Variants in RPGRIP1L observed in about 807,000 individuals in gnomAD.
RPGRIP1L encodes the protein protein fantom.
RPGRIP1L carries 131 observed loss-of-function variants against 160.4 expected under a neutral mutation model. The ratio of observed to expected loss-of-function variants is 0.82; its 90% CI spans 0.71 to 0.94. The LOEUF (loss-of-function observed/expected upper bound fraction) is 0.94, where lower values mean the gene tolerates loss of function less well. Ranked by LOEUF, RPGRIP1L falls within the 40% of genes least tolerant of loss-of-function variation. The pLI is 0.00. For synonymous variants in RPGRIP1L, 510 were observed against 515.8 expected, an observed-to-expected ratio of 0.99 and a Z score of 0.15; for missense variants, 1,522 against 1,535.8, an observed-to-expected ratio of 0.99 and a Z score of 0.15.
rs1398341310 is a variant in RPGRIP1L, at chr16:53,605,639, G to A, written c.3702-25C>T. On this transcript the variant is annotated intron_variant, in intron 25 of 26. Transcript: ENST00000647211. ...GCTGGTAAGGCAGAGATCAGAGAAA[G>A]TCACCACCAAGTGAGAAGAAATCAC... 4 of 1,613,072 alleles carry A rather than the reference G, an allele frequency of 2.5e-6. No individual in the cohort carries two copies. In the South Asian group the frequency reaches 3.3e-5, roughly 13 times the overall value.
At chr16:53,633,709 T>C (rs1339716264) in intron 22 of RPGRIP1L, among the ~76,000 whole-genome samples, 1 of 152,208 alleles carries the variant, frequency 6.6e-6, no homozygotes, top group Non-Finnish European at 1.5e-5. Flanking sequence ...TATGAAAGAA[T>C]GTATGTTTAT....
chr16:53,636,531 G>A lies in RPGRIP1L; in HGVS notation c.3221-19C>T, dbSNP rs372929131. The A allele has an allele frequency of 2.7e-5, 42 of 1,577,312 alleles. No individual in the cohort carries two copies. The African/African-American group carries it at 4.6e-4, about 17-fold the overall frequency. Reference sequence around the variant, plus strand: ...TCTTCAACTGTTTAAAAAATAAAAGGGTAACATTTACACAAGTTAAACCAA... The same window carrying A: ...TCTTCAACTGTTTAAAAAATAAAAGAGTAACATTTACACAAGTTAAACCAA... On this transcript the variant is annotated intron_variant, in intron 21 of 26. Transcript: ENST00000647211.
intron 14 of RPGRIP1L, 72 bp downstream of exon 14, chr16:53,656,400 G>T: frequency 3.0e-6 from 3 of 984,894 alleles, no homozygotes; most frequent in Non-Finnish European, 5.0e-6. Flanking sequence ...GTGCAGATTT[G>T]GATGACATTA....
At chr16:53,610,249 T>G (rs1308357589) in intron 25 of RPGRIP1L, among the ~76,000 whole-genome samples, 1 of 152,056 alleles carries the variant, frequency 6.6e-6, no homozygotes, top group East Asian at 1.9e-4. Context: ...CTTCTGAAAA[T>G]TATATACATG....
At chr16:53,657,337 G>GTTA in intron 13 of RPGRIP1L, 116 bp downstream of exon 13, 2 of 693,452 alleles carry the variant, frequency 2.9e-6, no homozygotes, top group Middle Eastern at 8.0e-4. Context: ...GATGTGATAT[G>GTTA]TTAGTAGATT....
In RPGRIP1L at chr16:53,638,366, C is replaced by T. The variant is rs965006608; in HGVS notation, c.3004G>A (p.Val1002Ile). Residue 1002 changes from valine (V) to isoleucine (I), a missense_variant, in exon 20 of 27, where the codon GTA becomes ATA. Physicochemically the swap from Val to Ile is conservative, Grantham distance 29. Coordinates refer to ENST00000647211, the MANE Select transcript of RPGRIP1L (RefSeq NM_015272.5). ...ATTTCTATTTCTGGTATATGCTCTA[C>T]CTCTGGTGAAATTTCCTTCCTATCT... ...PEDRKEISPE[V>I]EHIPEIEINM... The T allele has an allele frequency of 1.2e-6, 2 of 1,600,386 alleles. No individual in the cohort carries two copies. The highest frequency in any genetic ancestry group is 4.5e-5 in the East Asian group (2 of 44,634).
At chr16:53,684,201 T>C (rs962258861) in intron 6 of RPGRIP1L, among the ~76,000 whole-genome samples, 2 of 152,162 alleles carry the variant, frequency 1.3e-5, no homozygotes, top group African/African-American at 4.8e-5. Flanking sequence ...CTCAGGGATC[T>C]AGAACTAGAA....
rs578107308 is a variant in RPGRIP1L at position 53,622,193 on chromosome 16, T to C, written c.3432+26A>G. ...GCATGGCCAACATAGTGAAACCCCG[T>C]CTCTGCTAAAATTACAAAAAATTAC... On this transcript the variant is annotated intron_variant, in intron 23 of 26. Transcript: ENST00000647211. 9 of 647,482 alleles carry C rather than the reference T, an allele frequency of 1.4e-5. No homozygotes were observed. The South Asian group carries it at 1.5e-4, about 11-fold the overall frequency. 40.1% of individuals were successfully genotyped at this position (647,482 alleles called of 1,614,324 possible). A position where few individuals can be genotyped will look rare whatever the true frequency, so the allele number is the denominator to read the frequency against.
At chr16:53,642,342 G>T (rs1159107968) in intron 17 of RPGRIP1L, among the ~76,000 whole-genome samples, 1 of 151,696 alleles carries the variant, frequency 6.6e-6, no homozygotes, top group Non-Finnish European at 1.5e-5. Context: ...TACAGGCACC[G>T]GCTCAAACCT....
intron 22 of RPGRIP1L, among the ~76,000 whole-genome samples, chr16:53,630,576 T>C (rs905166922): frequency 2.0e-5 from 3 of 152,128 alleles, no homozygotes; most frequent in African/African-American, 7.2e-5. Context: ...TGGAATATTA[T>C]AGGTATGTTG....
chr16:53,622,936 CT>C (rs1221189663), intron 22 of RPGRIP1L, among the ~76,000 whole-genome samples: 1 of 151,568 alleles, frequency 6.6e-6, no homozygotes, highest in African/African-American at 2.4e-5. Context: ...GAGGTTGGGG[CT>C]GTAGGGAGCC....
chr16:53,618,636 C>G (rs910426293), intron 24 of RPGRIP1L, among the ~76,000 whole-genome samples: 5 of 152,156 alleles, frequency 3.3e-5, no homozygotes, highest in South Asian at 2.1e-4. Context: ...CTCACCCTCC[C>G]AGGCTCAAGC....
chr16:53,647,564 G>C (rs1410249973), intron 16 of RPGRIP1L, among the ~76,000 whole-genome samples: 1 of 152,140 alleles, frequency 6.6e-6, no homozygotes, highest in East Asian at 1.9e-4. Context: ...AATCTGATTG[G>C]CTCAACTGGG....
chr16:53,683,497 T>A (rs1286099548), intron 6 of RPGRIP1L, among the ~76,000 whole-genome samples: 1 of 152,098 alleles, frequency 6.6e-6, no homozygotes, highest in African/African-American at 2.4e-5. Flanking sequence ...TTTTTAAAAA[T>A]TCCTTTTCAG....
chr16:53,616,360 A>G (rs1184836477), intron 24 of RPGRIP1L, among the ~76,000 whole-genome samples: 2 of 152,238 alleles, frequency 1.3e-5, no homozygotes, highest in Admixed American at 6.5e-5. Context: ...TGCAAATATA[A>G]TAATTTTAAA....
chr16:53,702,399 T>A (rs1040202497), intron 1 of RPGRIP1L, among the ~76,000 whole-genome samples: 4 of 152,200 alleles, frequency 2.6e-5, no homozygotes, highest in Non-Finnish European at 5.9e-5. Flanking sequence ...AATAATGAAT[T>A]ATCCAGCCCA....
At chr16:53,640,035 A>G (rs1966103251) in intron 19 of RPGRIP1L, among the ~76,000 whole-genome samples, 1 of 152,192 alleles carries the variant, frequency 6.6e-6, no homozygotes. Context: ...TATATTTTCT[A>G]AAAAGTCCAC....
At chr16:53,632,535 C>G (rs1360763058) in intron 22 of RPGRIP1L, among the ~76,000 whole-genome samples, 1 of 152,122 alleles carries the variant, frequency 6.6e-6, no homozygotes, top group Non-Finnish European at 1.5e-5. Flanking sequence ...AGGCTAGGAA[C>G]ACAGCAAATG....
intron 10 of RPGRIP1L, among the ~76,000 whole-genome samples, chr16:53,660,547 GTAAAAAAA>G (rs1423663603): frequency 6.7e-6 from 1 of 149,950 alleles, no homozygotes; most frequent in South Asian, 2.1e-4. Flanking sequence ...AGTCTAAAAA[GTAAAAAAA>G]TAAAAAAATA....
Sources: allele counts gnomAD v4.1 joint callset (sites outside exome capture counted in the v4.1 genomes callset), GRCh38; gene constraint gnomAD v4.1.1; transcripts MANE v1.5; gene names NCBI Gene and HGNC (gene_info 2026-07-23, HGNC 2026-07-21).